TFB1M: variants seen among roughly 807,000 people sequenced by gnomAD.
TFB1M encodes the protein dimethyladenosine transferase 1, mitochondrial.
In TFB1M, 27 loss-of-function variants were observed where a neutral mutation model predicts 31.1. The ratio of observed to expected loss-of-function variants is 0.87; its 90% CI spans 0.64 to 1.20. The LOEUF (loss-of-function observed/expected upper bound fraction) is 1.20, where lower values mean the gene tolerates loss of function less well. Among genes scored for constraint, TFB1M ranks in the 50% most tolerant of loss-of-function variants. The pLI, the probability that TFB1M is intolerant of heterozygous loss-of-function variation, is 0.00. For synonymous variants in TFB1M, 166 were observed against 151.8 expected (o/e 1.09, Z -0.69); for missense variants, 394 against 418.7 (o/e 0.94, Z 0.51).
At chr6:155,287,535 C>G (rs1583350041) in intron 4 of TFB1M, among the ~76,000 whole-genome samples, 1 of 114,430 alleles carries the variant, frequency 8.7e-6, no homozygotes, top group East Asian at 3.4e-4. Context: ...AAAGACTACT[C>G]CTATCATTTA....
chr6:155,308,180 T>C (rs1777870323), intron 2 of TFB1M, among the ~76,000 whole-genome samples: 1 of 151,922 alleles, frequency 6.6e-6, no homozygotes, highest in Non-Finnish European at 1.5e-5. Flanking sequence ...AACGAAAAAC[T>C]TAAAAACCTA....
the TFB1M span, among the ~76,000 whole-genome samples, chr6:155,242,581 G>A: frequency 6.6e-6 from 1 of 152,202 alleles, no homozygotes; most frequent in African/African-American, 2.4e-5. Context: ...GCTTTATAAA[G>A]CTCTGGGTCT....
the TFB1M span, among the ~76,000 whole-genome samples, chr6:155,238,331 C>G: frequency 6.6e-6 from 1 of 152,266 alleles, no homozygotes; most frequent in African/African-American, 2.4e-5. Context: ...TTCAACAAGT[C>G]TCTAGGAAGT....
In TFB1M at chr6:155,305,218, ATT is replaced by A. The variant is rs1377448475; in HGVS notation, c.285+5968_285+5969del. ...TATTTATATATATATTAAATTATAT[ATT>A]TATATATATATATTAAATTATATAT... On this transcript the variant is annotated intron_variant, in intron 2 of 6. Coordinates refer to ENST00000367166, the MANE Select transcript of TFB1M (RefSeq NM_016020.4). Among the ~76,000 whole-genome samples the A allele has an allele frequency of 6.9e-5, 3 of 43,186 alleles. 1 individual carries two copies. Among genetic ancestry groups the A allele is most frequent in the African/African-American group, 1.2e-4 (1 of 8,474 alleles). 28.3% of individuals were successfully genotyped at this position (43,186 alleles called of 152,430 possible). A position where few individuals can be genotyped will look rare whatever the true frequency, so the allele number is the denominator to read the frequency against.
chr6:155,256,827 C>T lies in TFB1M; in HGVS notation c.*1009G>A, dbSNP rs747210993. On this transcript the variant is annotated 3_prime_UTR_variant, in exon 7 of 7. Coordinates refer to ENST00000367166, the MANE Select transcript of TFB1M (RefSeq NM_016020.4). The stretch of plus-strand genomic sequence containing the variant: ...GGATTTCCGAGGACCCAGACGTTCA[C>T]CCCGAGGCTGAGCAGCAGCCTGGCC... The T allele has an allele frequency of 6.2e-7, 1 of 1,614,212 alleles. No homozygotes were observed. Among genetic ancestry groups the T allele is most frequent in the Non-Finnish European group, 8.5e-7 (1 of 1,180,044 alleles).
At chr6:155,269,450 A>AG (rs1784826789) in intron 5 of TFB1M, among the ~76,000 whole-genome samples, 1 of 150,570 alleles carries the variant, frequency 6.6e-6, no homozygotes, top group Non-Finnish European at 1.5e-5. Flanking sequence ...GCCTCCCGAG[A>AG]AGCTGGGGCT....
intron 4 of TFB1M, among the ~76,000 whole-genome samples, chr6:155,288,855 T>C (rs958613114): frequency 6.6e-6 from 1 of 152,320 alleles, no homozygotes; most frequent in African/African-American, 2.4e-5. Flanking sequence ...ACCTCAAATA[T>C]ACATTACTGT....
Position 155,256,537 on chromosome 6 carries a change from G to T in TFB1M, c.*1299C>A, listed in dbSNP as rs114696942. 9.3e-6 allele frequency: 15 copies of T among 1,614,068 alleles called. No homozygotes were observed. Among genetic ancestry groups the T allele is most frequent in the Middle Eastern group, 1.6e-4 (1 of 6,084 alleles). ...GAATTCCTCCAGCAACGAGTGGACC[G>T]GTGAGACTGGCAAGGGAACCTTGCT... On this transcript the variant is annotated 3_prime_UTR_variant, in exon 7 of 7. Coordinates refer to ENST00000367166, the MANE Select transcript of TFB1M (RefSeq NM_016020.4).
chr6:155,268,648 C>T lies in TFB1M; in HGVS notation c.667-8248G>A, dbSNP rs1784771985. 2.0e-5 allele frequency among the ~76,000 whole-genome samples: 3 copies of T among 152,066 alleles called. No individual in the cohort carries two copies. The South Asian group carries it at 6.2e-4, about 32-fold the overall frequency. On this transcript the variant is annotated intron_variant, in intron 5 of 6. Transcript: ENST00000367166. ...AATGAAAACATGATCTGTGACCTTA[C>T]CCCCAACCCGGTGCTCTCTGAAACA... is the stretch of plus-strand genomic sequence containing the variant.
At chr6:155,246,353 T>A in the TFB1M span, among the ~76,000 whole-genome samples, 68 of 152,222 alleles carry the variant, frequency 4.5e-4, no homozygotes, top group Middle Eastern at 3.4e-3. Context: ...AAGCCCCACA[T>A]TTAAAAAGTG....
chr6:155,272,270 A>T (rs1784954462), intron 5 of TFB1M, among the ~76,000 whole-genome samples: 2 of 152,240 alleles, frequency 1.3e-5, no homozygotes, highest in Non-Finnish European at 2.9e-5. Context: ...AGTTCGAATT[A>T]TAAGCAGTAA....
chr6:155,253,946 C>T (rs746867636), downstream of TFB1M: 2 of 1,592,666 alleles, frequency 1.3e-6, no homozygotes, highest in East Asian at 2.2e-5. Flanking sequence ...AAGTTGTAGA[C>T]TCTTGTTTCC....
chr6:155,298,949 T>C (rs1469806776), intron 2 of TFB1M, among the ~76,000 whole-genome samples: 2 of 152,198 alleles, frequency 1.3e-5, no homozygotes, highest in Non-Finnish European at 2.9e-5. Context: ...TACAGAGAAT[T>C]AATCAGGAGT....
chr6:155,236,366 A>G, the TFB1M span, among the ~76,000 whole-genome samples: 1 of 152,020 alleles, frequency 6.6e-6, no homozygotes, highest in Non-Finnish European at 1.5e-5. Context: ...AGTTTTTTTA[A>G]GAAACACCCA....
At chr6:155,277,991 G>A (rs1161867412) in intron 5 of TFB1M, among the ~76,000 whole-genome samples, 2 of 152,072 alleles carry the variant, frequency 1.3e-5, no homozygotes, top group Non-Finnish European at 2.9e-5. Context: ...TTTTTATTTA[G>A]CTCTGGAGTA....
At chr6:155,295,527 A>C (rs1324552557) in intron 4 of TFB1M, among the ~76,000 whole-genome samples, 4 of 152,196 alleles carry the variant, frequency 2.6e-5, no homozygotes, top group Admixed American at 2.6e-4. Flanking sequence ...ATGGGGTCTC[A>C]AAGGTACTAG....
chr6:155,242,715 T>C, the TFB1M span, among the ~76,000 whole-genome samples: 1 of 152,248 alleles, frequency 6.6e-6, no homozygotes, highest in Admixed American at 6.5e-5. Flanking sequence ...CTGAACTATA[T>C]CCTGGTCTTG....
chr6:155,286,475 ATATATGTGTGTG>A lies in TFB1M; in HGVS notation c.547-1210_547-1199del, dbSNP rs1460986143. ...GCTTTGCTTTGGGGACAAAATATATATATATGTGTGTGTATATATATGTGTGTATATATATGT... is the reference window on the plus strand; with the variant it reads ...GCTTTGCTTTGGGGACAAAATATATATATATATATGTGTGTATATATATGT... On this transcript the variant is annotated intron_variant, in intron 4 of 6. Coordinates refer to ENST00000367166, the MANE Select transcript of TFB1M (RefSeq NM_016020.4). 3.4e-5 allele frequency among the ~76,000 whole-genome samples: 5 copies of A among 144,934 alleles called. No individual in the cohort carries two copies. In the East Asian group the frequency reaches 6.1e-4, roughly 18 times the overall value.
At chr6:155,291,143 T>C (rs1776905363) in intron 4 of TFB1M, among the ~76,000 whole-genome samples, 1 of 152,192 alleles carries the variant, frequency 6.6e-6, no homozygotes, top group South Asian at 2.1e-4. Context: ...GATTTGTGAC[T>C]GTCATCTGAA....
Sources: allele counts gnomAD v4.1 joint callset (sites outside exome capture counted in the v4.1 genomes callset), GRCh38; gene constraint gnomAD v4.1.1; transcripts MANE v1.5; gene names NCBI Gene and HGNC (gene_info 2026-07-23, HGNC 2026-07-21).